The following CBLB variants were observed in gnomAD, a reference collection of about 807,000 sequenced individuals.
CBLB encodes the protein Cbl proto-oncogene B.
CBLB carries 31 observed loss-of-function variants against 104.9 expected under a neutral mutation model. That is an observed-to-expected ratio of 0.30 (90% CI 0.22 to 0.40). The LOEUF is 0.40. Among genes scored for constraint, CBLB ranks in the 10% least tolerant of loss-of-function variants. CBLB has a pLI of 1.00. For missense variants in CBLB, 1,062 were observed against 1,214.6 expected (o/e 0.87, Z 1.87); for synonymous variants, 440 against 422.6 (o/e 1.04, Z -0.51).
At chr3:105,851,734 A>T (rs1190670164) in intron 3 of CBLB, among the ~76,000 whole-genome samples, 2 of 152,250 alleles carry the variant, frequency 1.3e-5, no homozygotes, top group Non-Finnish European at 2.9e-5. Flanking sequence ...AGCTACTATC[A>T]TAAGTAAATT....
chr3:105,830,110 C>T (rs190073190), intron 3 of CBLB, among the ~76,000 whole-genome samples: 2 of 152,240 alleles, frequency 1.3e-5, no homozygotes, highest in Admixed American at 1.3e-4. Flanking sequence ...CTACCTCCTC[C>T]CCTGCCCCTG....
In CBLB at chr3:105,735,803, G is replaced by A. The variant is rs540943683; in HGVS notation, c.1071+1368C>T. Among the ~76,000 whole-genome samples, 11 of 152,188 alleles carry A rather than the reference G, an allele frequency of 7.2e-5. 1 individual carries two copies. In the South Asian group the frequency reaches 1.0e-3, roughly 14 times the overall value. Reference sequence around the variant, plus strand: ...TCTACTAAAAATACAAAAATTAGCCGGAAGTGGTGGCAGGCACCTGTAATG... The same window carrying A: ...TCTACTAAAAATACAAAAATTAGCCAGAAGTGGTGGCAGGCACCTGTAATG... On this transcript the variant is annotated intron_variant, in intron 8 of 18. Transcript: ENST00000394030.
chr3:105,673,559 A>T (rs2065293915), intron 17 of CBLB: 1 of 152,182 alleles, frequency 6.6e-6, no homozygotes, highest in Non-Finnish European at 1.5e-5. Flanking sequence ...CAAAGCAGAA[A>T]CTAATGCTAA....
At chr3:105,792,086 A>G (rs553922289) in intron 3 of CBLB, among the ~76,000 whole-genome samples, 1 of 152,308 alleles carries the variant, frequency 6.6e-6, no homozygotes, top group South Asian at 2.1e-4. Context: ...GCTTGTTAAA[A>G]ATGCAGAATC....
In CBLB at chr3:105,824,423, C is replaced by A. The variant is rs116407766; in HGVS notation, c.419+28991G>T. 2.0e-3 allele frequency among the ~76,000 whole-genome samples: 303 copies of A among 152,210 alleles called. 2 individuals carry two copies. Among genetic ancestry groups the A allele is most frequent in the African/African-American group, 7.1e-3 (294 of 41,538 alleles). On this transcript the variant is annotated intron_variant, in intron 3 of 18. Coordinates refer to ENST00000394030, the MANE Select transcript of CBLB (RefSeq NM_170662.5). ...CTAGTTTTTTGCCACCCAAGCAAGG[C>A]AACTTTAGTTAACAAATATGCACCT...
chr3:105,818,357 A>T (rs910033058), intron 3 of CBLB, among the ~76,000 whole-genome samples: 8 of 152,164 alleles, frequency 5.3e-5, no homozygotes, highest in African/African-American at 1.9e-4. Context: ...TGAGACATAA[A>T]ATCTCCAGGT....
intron 12 of CBLB, among the ~76,000 whole-genome samples, chr3:105,697,895 GT>G (rs1335657251): frequency 6.6e-6 from 1 of 151,968 alleles, no homozygotes; most frequent in Non-Finnish European, 1.5e-5. Flanking sequence ...TACATTGCAA[GT>G]TTTTAGTCAT....
At chr3:105,733,249 C>T (rs1236414186) in intron 9 of CBLB, among the ~76,000 whole-genome samples, 1 of 151,560 alleles carries the variant, frequency 6.6e-6, no homozygotes, top group Non-Finnish European at 1.5e-5. Flanking sequence ...CCCAGCTACT[C>T]GGGAGGCTGA....
chr3:105,748,913 T>C (rs2076354160), intron 5 of CBLB, among the ~76,000 whole-genome samples: 1 of 152,174 alleles, frequency 6.6e-6, no homozygotes, highest in African/African-American at 2.4e-5. Context: ...TTCTGCTAAA[T>C]ACCCCACTCC....
At chr3:105,675,377 G>A (rs1342045646) in intron 17 of CBLB, among the ~76,000 whole-genome samples, 1 of 152,022 alleles carries the variant, frequency 6.6e-6, no homozygotes, top group Non-Finnish European at 1.5e-5. Flanking sequence ...AATTCTTAGG[G>A]AGAACTGCTA....
rs1193673672 is a variant in CBLB at position 105,740,569 on chromosome 3, T to A, written c.908A>T (p.Asp303Val). Reference protein sequence around the residue: ...GQWAIGYVTGDGNILQTIPHN... With the variant: ...GQWAIGYVTGVGNILQTIPHN... ...AGGTATGGTCTGTAAGATATTCCCA[T>A]CCCCAGTCACATAGCCAATGGCCCA... Residue 303 changes from aspartate to valine, a missense_variant, in exon 7 of 19, where the codon GAT becomes GTT. This residue lies in a region of CBLB where 457 missense variants were observed against 632.0 expected (regional missense o/e 0.72). Transcript: ENST00000394030. 2 of 1,613,886 alleles carry A rather than the reference T, an allele frequency of 1.2e-6. No individual in the cohort carries two copies. The highest frequency in any genetic ancestry group is 1.1e-5 in the South Asian group (1 of 91,080).
chr3:105,840,273 T>A (rs1269094240), intron 3 of CBLB, among the ~76,000 whole-genome samples: 1 of 152,048 alleles, frequency 6.6e-6, no homozygotes, highest in Non-Finnish European at 1.5e-5. Context: ...ATTTCACACA[T>A]GTATATACAT....
chr3:105,666,219 G>A (rs1319475356), intron 18 of CBLB, among the ~76,000 whole-genome samples: 1 of 151,906 alleles, frequency 6.6e-6, no homozygotes, highest in East Asian at 1.9e-4. Context: ...TTAGACTACT[G>A]ACCTTCTCAA....
At chr3:105,662,010 TGTGA>T (rs1166686978) in intron 18 of CBLB, among the ~76,000 whole-genome samples, 2 of 152,140 alleles carry the variant, frequency 1.3e-5, no homozygotes, top group Non-Finnish European at 2.9e-5. Flanking sequence ...CAAAATTTGT[TGTGA>T]GTATCTGATT....
At chr3:105,793,684 T>G (rs2081947734) in intron 3 of CBLB, among the ~76,000 whole-genome samples, 1 of 152,132 alleles carries the variant, frequency 6.6e-6, no homozygotes, top group South Asian at 2.1e-4. Context: ...TTCACTAAAA[T>G]GCCTATTATA....
At chr3:105,662,020 T>G (rs1471578617) in intron 18 of CBLB, among the ~76,000 whole-genome samples, 1 of 152,210 alleles carries the variant, frequency 6.6e-6, no homozygotes, top group East Asian at 1.9e-4. Context: ...TGTGAGTATC[T>G]GATTCTACAG....
intron 18 of CBLB, among the ~76,000 whole-genome samples, chr3:105,661,471 T>C (rs2063783987): frequency 1.3e-5 from 2 of 152,224 alleles, no homozygotes; most frequent in Non-Finnish European, 2.9e-5. Context: ...ATCATGTCTG[T>C]TCTGAGACAC....
At chr3:105,680,023 G>C (rs1349376098) in intron 16 of CBLB, among the ~76,000 whole-genome samples, 1 of 151,980 alleles carries the variant, frequency 6.6e-6, no homozygotes, top group Non-Finnish European at 1.5e-5. Context: ...CTGACTCAAG[G>C]AGCTGAGATT....
At chr3:105,787,535 AT>A (rs1172419783) in intron 3 of CBLB, among the ~76,000 whole-genome samples, 1 of 152,236 alleles carries the variant, frequency 6.6e-6, no homozygotes, top group Non-Finnish European at 1.5e-5. Flanking sequence ...AGGAGACTAG[AT>A]AACTCTGGCG....
Sources: gnomAD v4.1 joint callset for allele counts (sites outside exome capture counted in the v4.1 genomes callset) on GRCh38, gnomAD v4.1.1 for gene constraint, gnomAD v4.1.1 regional missense constraint, MANE v1.5 for transcripts, NCBI Gene and HGNC (gene_info 2026-07-23, HGNC 2026-07-21) for gene names.